ZNF674: variants seen among roughly 807,000 people sequenced by gnomAD.
ZNF674 encodes zinc finger family member 674.
In ZNF674, 2 loss-of-function variants were observed where a neutral mutation model predicts 7.0. The ratio of observed to expected loss-of-function variants is 0.29; its 90% CI spans 0.12 to 0.90. The LOEUF (loss-of-function observed/expected upper bound fraction) is 0.90, where lower values mean the gene tolerates loss of function less well. Among genes scored for constraint, ZNF674 ranks in the 40% least tolerant of loss-of-function variants. The probability of loss-of-function intolerance (pLI) is 0.57; values close to 1 mark genes in which losing one functional copy is unlikely to be tolerated. For synonymous variants in ZNF674, 103 were observed against 145.2 expected (o/e 0.71, Z 2.09); for missense variants, 297 against 415.5 (o/e 0.71, Z 2.48).
chrX:46,520,495 G>T (rs932479508), intron 5 of ZNF674, among the ~76,000 whole-genome samples: 6 of 111,680 alleles, frequency 5.4e-5, no homozygotes, highest in Non-Finnish European at 1.1e-4. Flanking sequence ...CAATATCCTG[G>T]TTGGGATACT....
intron 5 of ZNF674, among the ~76,000 whole-genome samples, chrX:46,524,644 G>A (rs1443544609): frequency 1.9e-5 from 2 of 107,176 alleles, no homozygotes; most frequent in African/African-American, 3.4e-5. Context: ...AGCTGAGATC[G>A]TGCCACTGCA....
Position 46,528,448 on chromosome X carries a change from G to A in ZNF674, c.143-3C>T. The A allele has an allele frequency of 8.3e-7, 1 of 1,203,337 alleles. No homozygotes were observed. Among genetic ancestry groups the A allele is most frequent in the Non-Finnish European group, 1.1e-6 (1 of 887,804 alleles). On this transcript the variant is annotated splice_polypyrimidine_tract_variant and splice_region_variant and intron_variant, in intron 4 of 5. Coordinates refer to ENST00000683375, the MANE Select transcript of ZNF674 (RefSeq NM_001190417.2). ...ATCTGGCTTCCCAACTAGATGCCCTGTTTAGGGGACATGACATAGGACTTT... is the reference window on the plus strand; with the variant it reads ...ATCTGGCTTCCCAACTAGATGCCCTATTTAGGGGACATGACATAGGACTTT...
At position 46,528,889 on chromosome X, in the gene ZNF674, G is replaced by A. The variant is rs746847984; in HGVS notation, c.36C>T (p.Asp12=). 13 of 1,209,773 alleles carry A rather than the reference G, an allele frequency of 1.1e-5. No individual in the cohort carries two copies. Among genetic ancestry groups the A allele is most frequent in the East Asian group, 5.9e-5 (2 of 33,751 alleles). The change falls in exon 4 of 6, where the codon GAC becomes GAT. Residue 12 remains aspartate, a synonymous_variant. Coordinates refer to ENST00000683375, the MANE Select transcript of ZNF674 (RefSeq NM_001190417.2). ...AMSQESLTFK[D]VFVDFTLEEW... Reference sequence around the variant, plus strand: ...CCTCCAGGGTGAAGTCCACAAACACGTCCTTGAAGGTCAATGATTCCTGTA... The same window carrying A: ...CCTCCAGGGTGAAGTCCACAAACACATCCTTGAAGGTCAATGATTCCTGTA...
At chrX:46,519,265 AAG>A (rs1569476455) in intron 5 of ZNF674, among the ~76,000 whole-genome samples, 57 of 45,736 alleles carry the variant, frequency 1.2e-3, no homozygotes, top group African/African-American at 3.6e-3. Flanking sequence ...TAGATAGATA[AAG>A]ATAGATGATA....
chrX:46,543,078 G>A (rs1942320771), intron 2 of ZNF674, among the ~76,000 whole-genome samples: 2 of 111,172 alleles, frequency 1.8e-5, no homozygotes, highest in Admixed American at 9.6e-5. Flanking sequence ...AGCATCCCAA[G>A]TAGCTGGAAT....
Position 46,499,731 on chromosome X carries a change from A to G in ZNF674, c.*112T>C. ...AACATTAACATATGAAGAATTTCCA[A>G]TATTCTGGACATTTATAAGATTACT... On this transcript the variant is annotated 3_prime_UTR_variant, in exon 6 of 6. Transcript: ENST00000683375. The G allele has an allele frequency of 5.1e-6, 3 of 589,714 alleles. No homozygotes were observed. Among genetic ancestry groups the G allele is most frequent in the Non-Finnish European group, 7.4e-6 (3 of 406,848 alleles). The allele number at this position is 589,714 out of a possible 1,213,427, so 48.6% of individuals were successfully genotyped here. A position where few individuals can be genotyped will look rare whatever the true frequency, so the allele number is the denominator to read the frequency against.
chrX:46,534,650 C>T (rs533525745), intron 3 of ZNF674, among the ~76,000 whole-genome samples: 39 of 111,342 alleles, frequency 3.5e-4, no homozygotes, highest in Middle Eastern at 4.6e-3. Context: ...TGTGAGCCAC[C>T]GCACCCAGCC....
At chrX:46,515,331 T>C (rs777234690) in intron 5 of ZNF674, among the ~76,000 whole-genome samples, 2 of 104,250 alleles carry the variant, frequency 1.9e-5, no homozygotes, top group Non-Finnish European at 3.9e-5. Flanking sequence ...TTGGTGCCAT[T>C]GCATCCTAGC....
In ZNF674 at chrX:46,525,363, GAGGCCGAGGC is replaced by G. The variant is rs774047846; in HGVS notation, c.238+2977_238+2986del. 56 of 234,696 alleles carry G rather than the reference GAGGCCGAGGC, an allele frequency of 2.4e-4. No individual in the cohort carries two copies. The South Asian group carries it at 2.4e-3, about 10-fold the overall frequency. The allele number at this position is 234,696 out of a possible 1,213,427, so 19.3% of individuals were successfully genotyped here. A position where few individuals can be genotyped will look rare whatever the true frequency, so the allele number is the denominator to read the frequency against. ...CATACCTGTAATCCCAGCACTTTGG[GAGGCCGAGGC>G]AGGCAGATCACCTGAGGCTGGGAGT... On this transcript the variant is annotated intron_variant, in intron 5 of 5. Coordinates refer to ENST00000683375, the MANE Select transcript of ZNF674 (RefSeq NM_001190417.2).
At chrX:46,519,635 A>G (rs111586648) in intron 5 of ZNF674, among the ~76,000 whole-genome samples, 1 of 111,076 alleles carries the variant, frequency 9.0e-6, no homozygotes, top group Non-Finnish European at 1.9e-5. Flanking sequence ...ATAAATAAAA[A>G]TAAATACATA....
At chrX:46,527,562 TG>T (rs895916058) in intron 5 of ZNF674, among the ~76,000 whole-genome samples, 1 of 111,921 alleles carries the variant, frequency 8.9e-6, no homozygotes, top group Non-Finnish European at 1.9e-5. Context: ...AGTTTAGCAG[TG>T]TTTTATAAAG....
intron 5 of ZNF674, among the ~76,000 whole-genome samples, chrX:46,507,295 G>C (rs1295863152): frequency 9.0e-6 from 1 of 111,539 alleles, no homozygotes; most frequent in East Asian, 2.8e-4. Context: ...GTAGCTGCAG[G>C]CTGCAGTAAG....
At chrX:46,509,026 A>C (rs1002082602) in intron 5 of ZNF674, among the ~76,000 whole-genome samples, 2 of 110,562 alleles carry the variant, frequency 1.8e-5, no homozygotes, top group African/African-American at 6.6e-5. Flanking sequence ...TGAGAAAAAC[A>C]AGCAATGGGG....
At chrX:46,530,569 A>C (rs1380404455) in intron 3 of ZNF674, among the ~76,000 whole-genome samples, 1 of 111,720 alleles carries the variant, frequency 9.0e-6, no homozygotes, top group Non-Finnish European at 1.9e-5. Flanking sequence ...CCTCCAGTCC[A>C]GATGCAGTTT....
chrX:46,533,823 A>T (rs1186234136), intron 3 of ZNF674, among the ~76,000 whole-genome samples: 1 of 75,374 alleles, frequency 1.3e-5, no homozygotes, highest in African/African-American at 6.2e-5. Context: ...AAAAAAAAAA[A>T]AAAAAAATAT....
At chrX:46,543,703 C>A (rs907919026) in intron 2 of ZNF674, among the ~76,000 whole-genome samples, 1 of 112,205 alleles carries the variant, frequency 8.9e-6, no homozygotes, top group African/African-American at 3.2e-5. Context: ...AAGAAAGTTC[C>A]AGCAAGGAGA....
chrX:46,505,178 G>A (rs915291904), intron 5 of ZNF674, among the ~76,000 whole-genome samples: 2 of 111,747 alleles, frequency 1.8e-5, no homozygotes, highest in African/African-American at 3.3e-5. Flanking sequence ...GTGAGCCACC[G>A]TGCCTGGCCT....
chrX:46,500,112 C>T lies in ZNF674; in HGVS notation c.1462G>A (p.Gly488Arg), dbSNP rs1329374285. ...PLIKHQRIHT[G>R]ERPYECTDCK... ...TCAGTGCATTCATAGGGTCTCTCTCCTGTATGAATTCTCTGATGTTTAATC... is the reference window on the plus strand; with the variant it reads ...TCAGTGCATTCATAGGGTCTCTCTCTTGTATGAATTCTCTGATGTTTAATC... The change falls in exon 6 of 6, where the codon GGA becomes AGA. Residue 488 changes from glycine to arginine, a missense_variant. Transcript: ENST00000683375. 2 of 1,211,934 alleles carry T rather than the reference C, an allele frequency of 1.7e-6. No individual in the cohort carries two copies. The highest frequency in any genetic ancestry group is 5.9e-5 in the East Asian group (2 of 33,844).
At chrX:46,532,493 G>A (rs1381934824) in intron 3 of ZNF674, among the ~76,000 whole-genome samples, 3 of 111,707 alleles carry the variant, frequency 2.7e-5, no homozygotes, top group African/African-American at 9.8e-5. Context: ...AAACATCAAT[G>A]GAGTTTAAAC....
Sources: gnomAD v4.1 joint callset for allele counts (sites outside exome capture counted in the v4.1 genomes callset) on GRCh38, gnomAD v4.1.1 for gene constraint, MANE v1.5 for transcripts, NCBI Gene and HGNC (gene_info 2026-07-23, HGNC 2026-07-21) for gene names.